The following LGSN variants were observed in gnomAD, a reference collection of about 807,000 sequenced individuals.
LGSN encodes lengsin, lens protein with glutamine synthetase domain, also known as lengsin.
In LGSN, 21 loss-of-function variants were observed where a neutral mutation model predicts 19.5. The observed-to-expected ratio is 1.07, with a 90% CI of 0.76 to 1.55. LGSN has a LOEUF of 1.55. LGSN is among the 40% of genes most tolerant of loss of function. LGSN has a pLI of 0.00. For synonymous variants in LGSN, 257 were observed against 215.6 expected (o/e 1.19, Z -1.68); for missense variants, 673 against 608.5 (o/e 1.11, Z -1.12).
At chr6:63,299,689 G>A (rs1040198962) in intron 1 of LGSN, among the ~76,000 whole-genome samples, 1 of 152,126 alleles carries the variant, frequency 6.6e-6, no homozygotes, top group Non-Finnish European at 1.5e-5. Flanking sequence ...GTCCGTGTCT[G>A]TCTATATGTC....
Position 63,280,018 on chromosome 6 carries a change from A to G in LGSN, c.*3T>C. On this transcript the variant is annotated 3_prime_UTR_variant, in exon 4 of 4. Coordinates refer to ENST00000370657, the MANE Select transcript of LGSN (RefSeq NM_016571.3). ...GTCTAAAGGAGTAGTTGTGAGCTCT[A>G]TTCTAAATAAAATACTCTAAGAATT... The G allele has an allele frequency of 3.1e-6, 5 of 1,588,184 alleles. No individual in the cohort carries two copies. Among genetic ancestry groups the G allele is most frequent in the Non-Finnish European group, 4.3e-6 (5 of 1,168,178 alleles).
the LGSN span, among the ~76,000 whole-genome samples, chr6:63,348,622 G>C: frequency 6.6e-6 from 1 of 151,950 alleles, no homozygotes; most frequent in African/African-American, 2.4e-5. Flanking sequence ...GTTGAAGAGA[G>C]ACAACATCTT....
chr6:63,415,346 C>T, the LGSN span, among the ~76,000 whole-genome samples: 1 of 152,064 alleles, frequency 6.6e-6, no homozygotes, highest in Non-Finnish European at 1.5e-5. Flanking sequence ...AAAATAACTG[C>T]CCAAGACTGG....
At chr6:63,363,380 A>C in the LGSN span, among the ~76,000 whole-genome samples, 1 of 152,194 alleles carries the variant, frequency 6.6e-6, no homozygotes, top group African/African-American at 2.4e-5. Context: ...GATTCAGACG[A>C]TCGATAATAA....
At chr6:63,469,530 G>A in the LGSN span, among the ~76,000 whole-genome samples, 5 of 152,076 alleles carry the variant, frequency 3.3e-5, no homozygotes, top group Non-Finnish European at 5.9e-5. Context: ...TAAGAAGATT[G>A]CCTATTGAAA....
chr6:63,314,752 T>A (rs1041758226), intron 1 of LGSN, among the ~76,000 whole-genome samples: 1 of 151,972 alleles, frequency 6.6e-6, no homozygotes, highest in African/African-American at 2.4e-5. Flanking sequence ...ACTAAAGGCT[T>A]AAGGAGAATG....
chr6:63,500,070 C>T, the LGSN span, among the ~76,000 whole-genome samples: 1 of 152,208 alleles, frequency 6.6e-6, no homozygotes, highest in East Asian at 1.9e-4. Flanking sequence ...TGTTATCATC[C>T]CCTCAGGTAG....
chr6:63,432,193 GAAAAGA>G, the LGSN span, among the ~76,000 whole-genome samples: 753 of 29,536 alleles, frequency 0.025, 7 homozygotes, highest in East Asian at 0.038. Flanking sequence ...GAAAAGAAAA[GAAAAGA>G]AAAGAAAAGA....
At chr6:63,393,516 A>C in the LGSN span, among the ~76,000 whole-genome samples, 1 of 152,266 alleles carries the variant, frequency 6.6e-6, no homozygotes, top group East Asian at 1.9e-4. Context: ...AGCAGACAAG[A>C]TGGCGCTGGT....
At chr6:63,305,384 A>C (rs371297124) in intron 1 of LGSN, among the ~76,000 whole-genome samples, 1 of 152,158 alleles carries the variant, frequency 6.6e-6, no homozygotes, top group African/African-American at 2.4e-5. Flanking sequence ...CAACCTCTCA[A>C]TCTTAAGAGG....
chr6:63,477,876 G>A, the LGSN span, among the ~76,000 whole-genome samples: 1 of 150,556 alleles, frequency 6.6e-6, no homozygotes. Context: ...GGAGGGTAAT[G>A]TTTTCTAGAA....
At chr6:63,325,541 A>T in the LGSN span, among the ~76,000 whole-genome samples, 1 of 152,252 alleles carries the variant, frequency 6.6e-6, no homozygotes, top group African/African-American at 2.4e-5. Context: ...TTGAATAAGG[A>T]ATAAATAGAA....
chr6:63,440,161 G>T, the LGSN span, among the ~76,000 whole-genome samples: 57 of 152,266 alleles, frequency 3.7e-4, no homozygotes, highest in Non-Finnish European at 1.3e-4. Flanking sequence ...ACAGCCAAGG[G>T]ACCCTGGGGA....
the LGSN span, among the ~76,000 whole-genome samples, chr6:63,461,521 A>G: frequency 6.6e-6 from 1 of 152,216 alleles, no homozygotes; most frequent in Non-Finnish European, 1.5e-5. Flanking sequence ...TTTTCTTCCC[A>G]CATGACAAGT....
At chr6:63,489,440 C>A in the LGSN span, among the ~76,000 whole-genome samples, 5 of 152,306 alleles carry the variant, frequency 3.3e-5, no homozygotes, top group Admixed American at 3.3e-4. Flanking sequence ...ACAATCTCAG[C>A]TCACCACAAC....
chr6:63,572,803 C>G, the LGSN span: 13 of 397,228 alleles, frequency 3.3e-5, no homozygotes, highest in Non-Finnish European at 4.0e-5. Context: ...GTTCGGAGCC[C>G]GGCGTCTCCT....
At chr6:63,469,592 T>C in the LGSN span, among the ~76,000 whole-genome samples, 4 of 152,376 alleles carry the variant, frequency 2.6e-5, no homozygotes, top group East Asian at 7.7e-4. Context: ...ACAGAATTAT[T>C]GCTTTTGTTG....
At chr6:63,421,218 T>A in the LGSN span, among the ~76,000 whole-genome samples, 3 of 147,372 alleles carry the variant, frequency 2.0e-5, no homozygotes, top group African/African-American at 7.6e-5. Context: ...AGTCAGGAGT[T>A]CAAGACCAGC....
chr6:63,333,622 G>A, the LGSN span, among the ~76,000 whole-genome samples: 1 of 131,698 alleles, frequency 7.6e-6, no homozygotes, highest in South Asian at 2.5e-4. Flanking sequence ...GAGGGAGGGA[G>A]GCAAAAAAAA....
Sources: gnomAD v4.1 joint callset for allele counts (sites outside exome capture counted in the v4.1 genomes callset) on GRCh38, gnomAD v4.1.1 for gene constraint, MANE v1.5 for transcripts, NCBI Gene and HGNC (gene_info 2026-07-23, HGNC 2026-07-21) for gene names.